Variants in GRIA3 observed in about 807,000 individuals in gnomAD.
GRIA3 encodes the protein glutamate receptor 3.
In GRIA3, 3 loss-of-function variants were observed where a neutral mutation model predicts 63.0. The observed-to-expected ratio is 0.05, with a 90% CI of 0.02 to 0.12. The LOEUF is 0.12. GRIA3 is among the 10% of genes least tolerant of loss of function. The probability of loss-of-function intolerance (pLI) is 1.00; values close to 1 mark genes in which losing one functional copy is unlikely to be tolerated. For missense variants in GRIA3, 347 were observed against 700.9 expected (o/e 0.50, Z 5.70); for synonymous variants, 274 against 257.9 (o/e 1.06, Z -0.60).
chrX:123,365,049 A>C (rs2045201486), intron 5 of GRIA3, among the ~76,000 whole-genome samples: 1 of 111,975 alleles, frequency 8.9e-6, no homozygotes, highest in African/African-American at 3.2e-5. Context: ...GAGCTATTGC[A>C]CAGCAGGGTG....
At chrX:123,432,354 A>G (rs954913614) in intron 12 of GRIA3, among the ~76,000 whole-genome samples, 4 of 112,553 alleles carry the variant, frequency 3.6e-5, no homozygotes, top group Non-Finnish European at 5.6e-5. Flanking sequence ...TGTTTGTTCT[A>G]AAGTTAATCC....
In GRIA3 at chrX:123,331,876, C is replaced by T. The variant is rs140217143; in HGVS notation, c.696+5663C>T. 1.0e-2 allele frequency among the ~76,000 whole-genome samples: 1,113 copies of T among 111,487 alleles called. 4 individuals carry two copies. The highest frequency in any genetic ancestry group is 0.014 in the Middle Eastern group (3 of 215). ...GCTTAAAAGACTGTTCCACTACCTTCCTTTCGTGGTTGTTGTGAGGATCAA... is the reference window on the plus strand; with the variant it reads ...GCTTAAAAGACTGTTCCACTACCTTTCTTTCGTGGTTGTTGTGAGGATCAA... On this transcript the variant is annotated intron_variant, in intron 4 of 15. Coordinates refer to ENST00000620443, the MANE Select transcript of GRIA3 (RefSeq NM_007325.5).
chrX:123,215,432 G>A (rs759800171), intron 2 of GRIA3, among the ~76,000 whole-genome samples: 1 of 111,826 alleles, frequency 8.9e-6, no homozygotes, highest in East Asian at 2.8e-4. Context: ...CAAACTGTTC[G>A]TTCCTTTTCC....
At chrX:123,352,295 G>A (rs908122102) in intron 4 of GRIA3, among the ~76,000 whole-genome samples, 2 of 111,806 alleles carry the variant, frequency 1.8e-5, no homozygotes, top group African/African-American at 6.5e-5. Context: ...GTTCAGGCTG[G>A]TCTCAAACTC....
chrX:123,397,778 T>G (rs2045422487), intron 6 of GRIA3, among the ~76,000 whole-genome samples: 1 of 112,174 alleles, frequency 8.9e-6, no homozygotes, highest in South Asian at 3.7e-4. Context: ...TCAACAACAT[T>G]CTACATTCTA....
chrX:123,264,890 T>C (rs1171092787), intron 3 of GRIA3, among the ~76,000 whole-genome samples: 1 of 111,681 alleles, frequency 9.0e-6, no homozygotes, highest in Admixed American at 9.5e-5. Flanking sequence ...AAGAAAAGCA[T>C]CATCAACTCA....
intron 12 of GRIA3, among the ~76,000 whole-genome samples, chrX:123,463,700 A>AAG (rs1569440915): frequency 5.6e-5 from 4 of 71,115 alleles, no homozygotes; most frequent in African/African-American, 1.3e-4. Flanking sequence ...GAAAGAAAGA[A>AAG]AAAGAAAGAA....
In GRIA3 at chrX:123,482,949, C is replaced by G. The variant is rs1368944107; in HGVS notation, c.2590C>G (p.Gln864Glu). The G allele has an allele frequency of 8.3e-7, 1 of 1,209,308 alleles. No individual in the cohort carries two copies. Among genetic ancestry groups the G allele is most frequent in the Admixed American group, 2.2e-5 (1 of 45,937 alleles). The change falls in exon 15 of 16, where the codon CAA becomes GAA. Residue 864 changes from glutamine (Q) to glutamate (E), a missense_variant. This residue lies in a region of GRIA3 where 29 missense variants were observed against 46.7 expected (regional missense o/e 0.62). Transcript: ENST00000620443. ...SKRMKLTKNT[Q>E]NFKPAPATNT... ...ACGCATGAAACTCACAAAGAACACC[C>G]AAAACTTTAAGCCTGCTCCTGCCAC...
chrX:123,336,090 C>T (rs915278021), intron 4 of GRIA3, among the ~76,000 whole-genome samples: 1 of 111,768 alleles, frequency 8.9e-6, no homozygotes, highest in Non-Finnish European at 1.9e-5. Flanking sequence ...GCTGCAAGAA[C>T]CATAGTTTAC....
chrX:123,420,144 G>C (rs1156527302), intron 11 of GRIA3, among the ~76,000 whole-genome samples: 2 of 111,591 alleles, frequency 1.8e-5, no homozygotes, highest in Admixed American at 1.9e-4. Flanking sequence ...ATACTGACCA[G>C]AGTCAATTAT....
At chrX:123,293,631 G>A (rs1194313048) in intron 3 of GRIA3, among the ~76,000 whole-genome samples, 1 of 110,412 alleles carries the variant, frequency 9.1e-6, no homozygotes, top group Middle Eastern at 4.2e-3. Flanking sequence ...AGGGACAGTA[G>A]GAAGGAGAAT....
intron 4 of GRIA3, among the ~76,000 whole-genome samples, chrX:123,335,575 G>T (rs367728047): frequency 9.0e-6 from 1 of 111,469 alleles, no homozygotes; most frequent in Non-Finnish European, 1.9e-5. Context: ...CTTTAATGCC[G>T]CATTTTAGCA....
chrX:123,239,962 T>C (rs1159206808), intron 2 of GRIA3, among the ~76,000 whole-genome samples: 6 of 112,142 alleles, frequency 5.4e-5, no homozygotes, highest in Non-Finnish European at 9.4e-5. Flanking sequence ...TGGATCTTTT[T>C]CTAGATTAGC....
intron 3 of GRIA3, among the ~76,000 whole-genome samples, chrX:123,289,605 A>C (rs1470710989): frequency 2.7e-5 from 3 of 109,472 alleles, no homozygotes; most frequent in African/African-American, 1.0e-4. Context: ...CTATTAAAAG[A>C]ATTTTCCCAA....
In GRIA3 at chrX:123,394,963, T is replaced by G; in HGVS notation, c.751-5T>G. Reference sequence around the variant, plus strand: ...ACAATCATGATCCTTTCAATGTCTTTCCAGGGTTTTACTGATATTTTACTG... The same window carrying G: ...ACAATCATGATCCTTTCAATGTCTTGCCAGGGTTTTACTGATATTTTACTG... On this transcript the variant is annotated splice_region_variant and splice_polypyrimidine_tract_variant and intron_variant, in intron 5 of 15. Coordinates refer to ENST00000620443, the MANE Select transcript of GRIA3 (RefSeq NM_007325.5). 8.5e-7 allele frequency: 1 copy of G among 1,171,637 alleles called. No homozygotes were observed. The highest frequency in any genetic ancestry group is 1.2e-6 in the Non-Finnish European group (1 of 858,893).
At chrX:123,264,043 A>C (rs1479576490) in intron 3 of GRIA3, among the ~76,000 whole-genome samples, 1 of 112,336 alleles carries the variant, frequency 8.9e-6, no homozygotes, top group Non-Finnish European at 1.9e-5. Context: ...TGAGCTATTA[A>C]GGGAAACAGA....
intron 12 of GRIA3, among the ~76,000 whole-genome samples, chrX:123,444,787 T>C (rs2045694410): frequency 9.0e-6 from 1 of 111,439 alleles, no homozygotes; most frequent in Non-Finnish European, 1.9e-5. Flanking sequence ...ATTTCTGTAA[T>C]CCTTTCTCCC....
At chrX:123,204,797 T>A in intron 2 of GRIA3, 1 of 335,193 alleles carries the variant, frequency 3.0e-6, no homozygotes, top group Non-Finnish European at 4.5e-6. Flanking sequence ...ATTATGAATG[T>A]CAGCTTTGAC....
chrX:123,473,381 C>A (rs1456833547), intron 13 of GRIA3, among the ~76,000 whole-genome samples: 1 of 111,949 alleles, frequency 8.9e-6, no homozygotes, highest in Non-Finnish European at 1.9e-5. Flanking sequence ...ATAGTAAATT[C>A]TTTAATACAG....
Sources: allele counts gnomAD v4.1 joint callset (sites outside exome capture counted in the v4.1 genomes callset), GRCh38; gene constraint gnomAD v4.1.1; regional missense constraint gnomAD v4.1.1; transcripts MANE v1.5; gene names NCBI Gene and HGNC (gene_info 2026-07-23, HGNC 2026-07-21).